The following ICA1L variants were observed in gnomAD, a reference collection of about 807,000 sequenced individuals.
ICA1L encodes islet cell autoantigen 1-like protein.
A neutral mutation model predicts 61.3 loss-of-function variants in ICA1L; 50 were observed. The observed-to-expected ratio is 0.82, with a 90% CI of 0.65 to 1.03. The LOEUF (loss-of-function observed/expected upper bound fraction) is 1.03, where lower values mean the gene tolerates loss of function less well. Among genes scored for constraint, ICA1L ranks in the 50% least tolerant of loss-of-function variants. The pLI, the probability that ICA1L is intolerant of heterozygous loss-of-function variation, is 0.00. For synonymous variants in ICA1L, 161 were observed against 191.3 expected (o/e 0.84, Z 1.31); for missense variants, 508 against 556.7 (o/e 0.91, Z 0.88).
intron 11 of ICA1L, chr2:202,786,899 G>A: frequency 2.9e-6 from 1 of 341,806 alleles, no homozygotes; most frequent in Non-Finnish European, 5.7e-6. Context: ...AGAAATGTTT[G>A]CTACAACATG....
chr2:202,846,783 GT>G (rs1694475199), intron 1 of ICA1L, among the ~76,000 whole-genome samples: 1 of 152,132 alleles, frequency 6.6e-6, no homozygotes, highest in South Asian at 2.1e-4. Flanking sequence ...AGTGCTTATA[GT>G]TTTATGTAGC....
In ICA1L at chr2:202,777,578, G is replaced by A. The variant is rs963732777; in HGVS notation, c.*1955C>T. ...ATCTAAAAGAAATAGGAGTAATATT[G>A]TGAAAAGATTTTATGGAAAGACTTC... On this transcript the variant is annotated 3_prime_UTR_variant, in exon 13 of 13. Coordinates refer to ENST00000358299, the MANE Select transcript of ICA1L (RefSeq NM_001288622.3). 1 of 152,152 alleles carries A rather than the reference G, an allele frequency of 6.6e-6. No homozygotes were observed. Among genetic ancestry groups the A allele is most frequent in the Non-Finnish European group, 1.5e-5 (1 of 68,038 alleles). The allele number at this position is 152,152 out of a possible 1,614,324, so 9.4% of individuals were successfully genotyped here.
chr2:202,790,118 G>GGT (rs1453105960), intron 10 of ICA1L, among the ~76,000 whole-genome samples: 2 of 151,938 alleles, frequency 1.3e-5, no homozygotes, highest in Non-Finnish European at 2.9e-5. Flanking sequence ...TACAGAATGG[G>GGT]GTGTTGCCTG....
chr2:202,838,883 C>T (rs549033345), intron 1 of ICA1L, among the ~76,000 whole-genome samples: 4 of 152,242 alleles, frequency 2.6e-5, no homozygotes, highest in Non-Finnish European at 5.9e-5. Context: ...CAGTGCATCA[C>T]ATGGTAAGAA....
At chr2:202,844,032 A>G (rs1335087271) in intron 1 of ICA1L, among the ~76,000 whole-genome samples, 1 of 152,158 alleles carries the variant, frequency 6.6e-6, no homozygotes, top group African/African-American at 2.4e-5. Flanking sequence ...ATTCCATTGT[A>G]TCAATATACC....
intron 1 of ICA1L, among the ~76,000 whole-genome samples, chr2:202,852,362 C>G (rs1248785262): frequency 6.6e-6 from 1 of 152,048 alleles, no homozygotes; most frequent in Non-Finnish European, 1.5e-5. Context: ...TACAGTCCCA[C>G]CAACAGTGTA....
chr2:202,845,828 A>G (rs1694450096), intron 1 of ICA1L, among the ~76,000 whole-genome samples: 1 of 152,184 alleles, frequency 6.6e-6, no homozygotes, highest in Non-Finnish European at 1.5e-5. Context: ...TAATGTGCAC[A>G]CTGAAGCACT....
At chr2:202,798,692 C>T (rs1034046638) in intron 9 of ICA1L, among the ~76,000 whole-genome samples, 3 of 73,418 alleles carry the variant, frequency 4.1e-5, no homozygotes, top group Non-Finnish European at 6.0e-5. Flanking sequence ...AATAACCGTA[C>T]TCTGCTATCA....
chr2:202,804,111 C>T (rs970306635), intron 9 of ICA1L, among the ~76,000 whole-genome samples: 3 of 152,170 alleles, frequency 2.0e-5, no homozygotes, highest in African/African-American at 7.2e-5. Context: ...CATTCTGTAT[C>T]CTTGCACCTC....
At position 202,871,618 on chromosome 2, in the gene ICA1L, C is replaced by G. The variant is rs1250839981; in HGVS notation, c.-8+1G>C. ...GCGGACAGGAGGCAGCAGAAGCTTA[C>G]CGGCGCCGCTCTTCCGCCTCCTCGG... On this transcript the variant is annotated splice_donor_variant, in intron 1 of 12. Transcript: ENST00000358299. LOFTEE classifies it low-confidence loss of function (5UTR_SPLICE). The G allele has an allele frequency of 6.6e-6, 1 of 152,132 alleles. No homozygotes were observed. Among genetic ancestry groups the G allele is most frequent in the Non-Finnish European group, 1.5e-5 (1 of 68,026 alleles). The allele number at this position is 152,132 out of a possible 1,614,324, so 9.4% of individuals were successfully genotyped here. A position where few individuals can be genotyped will look rare whatever the true frequency, so the allele number is the denominator to read the frequency against.
intron 1 of ICA1L, among the ~76,000 whole-genome samples, chr2:202,866,460 A>G (rs1440571644): frequency 6.6e-6 from 1 of 152,202 alleles, no homozygotes; most frequent in African/African-American, 2.4e-5. Context: ...AGTCTCAGGT[A>G]TTCCTTTATA....
rs1288011425 is a variant in ICA1L at position 202,774,764 on chromosome 2, G to A, written c.*4769C>T. The A allele has an allele frequency of 1.9e-5, 3 of 154,524 alleles. No homozygotes were observed. The highest frequency in any genetic ancestry group is 7.2e-5 in the African/African-American group (3 of 41,568). The allele number at this position is 154,524 out of a possible 1,614,324, so 9.6% of individuals were successfully genotyped here. On this transcript the variant is annotated 3_prime_UTR_variant, in exon 13 of 13. Transcript: ENST00000358299. ...GGGCAAGGTAGCAAGGGAAACTTGT[G>A]GCAGGGGCCACCCATATCACACTGG... is the stretch of plus-strand genomic sequence containing the variant.
At position 202,795,769 on chromosome 2, in the gene ICA1L, G is replaced by A. The variant is rs1444074446; in HGVS notation, c.985+1121C>T. On this transcript the variant is annotated intron_variant, in intron 10 of 12. Coordinates refer to ENST00000358299, the MANE Select transcript of ICA1L (RefSeq NM_001288622.3). ...TAAAAAATTATATAAAGGGCTGGGC[G>A]CGGTGGCTCACGTCTGTAATCCTGG... Among the ~76,000 whole-genome samples, 5 of 152,026 alleles carry A rather than the reference G, an allele frequency of 3.3e-5. No individual in the cohort carries two copies. The East Asian group carries it at 5.8e-4, about 18-fold the overall frequency.
intron 1 of ICA1L, among the ~76,000 whole-genome samples, chr2:202,853,874 C>A (rs185663167): frequency 6.6e-6 from 1 of 152,106 alleles, no homozygotes; most frequent in Non-Finnish European, 1.5e-5. Context: ...GCCTGCCTTA[C>A]GAGAGCTCCT....
At chr2:202,817,330 A>T in intron 6 of ICA1L, 88 bp downstream of exon 6, 1 of 1,233,054 alleles carries the variant, frequency 8.1e-7, no homozygotes, top group Non-Finnish European at 1.1e-6. Context: ...AATCATACAT[A>T]AATTTTTACA....
At chr2:202,824,318 T>C (rs560010501) in intron 3 of ICA1L, among the ~76,000 whole-genome samples, 3 of 151,924 alleles carry the variant, frequency 2.0e-5, no homozygotes, top group Non-Finnish European at 4.4e-5. Flanking sequence ...GAGAATTGCT[T>C]GAACCTGGGA....
At chr2:202,780,884 TCTC>T in intron 12 of ICA1L, among the ~76,000 whole-genome samples, 1 of 152,138 alleles carries the variant, frequency 6.6e-6, no homozygotes, top group Middle Eastern at 3.2e-3. Context: ...GGGTCTCTTG[TCTC>T]CTCATCTGTA....
intron 3 of ICA1L, 68 bp downstream of exon 3, chr2:202,825,623 ATCTT>A (rs1693821433): frequency 8.2e-6 from 11 of 1,341,530 alleles, no homozygotes; most frequent in Non-Finnish European, 1.1e-5. Flanking sequence ...TTTACATTAA[ATCTT>A]TCATTTTAAA....
intron 1 of ICA1L, among the ~76,000 whole-genome samples, chr2:202,832,211 T>C (rs1179114833): frequency 6.6e-6 from 1 of 152,120 alleles, no homozygotes; most frequent in Non-Finnish European, 1.5e-5. Context: ...ATCTCTCAAA[T>C]GCATCATTCA....
Sources: gnomAD v4.1 joint callset for allele counts (sites outside exome capture counted in the v4.1 genomes callset) on GRCh38, gnomAD v4.1.1 for gene constraint, MANE v1.5 for transcripts, NCBI Gene and HGNC (gene_info 2026-07-23, HGNC 2026-07-21) for gene names.